The following CPAP variants were observed in gnomAD, a reference collection of about 807,000 sequenced individuals.
CPAP encodes the protein centrosome assembly and centriole elongation protein, also known as centrosomal P4.1-associated protein.
At chr13:24,926,498 G>A in the CPAP span, among the ~76,000 whole-genome samples, 5 of 152,072 alleles carry the variant, frequency 3.3e-5, no homozygotes, top group African/African-American at 7.2e-5. Context: ...CATCTTTAAC[G>A]TTATGGGCCT....
the CPAP span, among the ~76,000 whole-genome samples, chr13:24,919,883 C>T: frequency 6.6e-6 from 1 of 152,210 alleles, no homozygotes; most frequent in Non-Finnish European, 1.5e-5. Context: ...CCCATCTCAG[C>T]CTCCAGAGTA....
chr13:24,924,308 T>TC, the CPAP span, among the ~76,000 whole-genome samples: 68,881 of 151,698 alleles, frequency 0.45, 15,933 homozygotes, highest in South Asian at 0.59. Context: ...AAAATGTGTA[T>TC]CTTTAAGGAT....
chr13:24,885,186 A>G, the CPAP span: 1 of 871,484 alleles, frequency 1.1e-6, no homozygotes. Context: ...TCTTGTCCAA[A>G]GAGCCCTTAT....
chr13:24,883,974 G>C, the CPAP span: 1 of 1,614,080 alleles, frequency 6.2e-7, no homozygotes, highest in Non-Finnish European at 8.5e-7. Context: ...GTTGTACTCT[G>C]ACAATTGTAC....
chr13:24,890,261 T>C, the CPAP span, among the ~76,000 whole-genome samples: 1 of 152,068 alleles, frequency 6.6e-6, no homozygotes, highest in Non-Finnish European at 1.5e-5. Flanking sequence ...GATATCCAGG[T>C]GTTAATTGTA....
chr13:24,903,975 A>T, the CPAP span: 1 of 1,613,922 alleles, frequency 6.2e-7, no homozygotes, highest in Non-Finnish European at 8.5e-7. Flanking sequence ...TTAGCTAAAG[A>T]TGCGTTCTCA....
the CPAP span, chr13:24,908,199 G>A: frequency 1.9e-6 from 2 of 1,035,854 alleles, no homozygotes; most frequent in Non-Finnish European, 3.0e-6. Flanking sequence ...AATTCTACAA[G>A]TTACTATGCT....
the CPAP span, chr13:24,907,040 T>C: frequency 3.1e-6 from 5 of 1,598,902 alleles, no homozygotes; most frequent in Non-Finnish European, 4.3e-6. Context: ...AAATTATAGA[T>C]AAATCTCTAA....
the CPAP span, among the ~76,000 whole-genome samples, chr13:24,895,251 C>T: frequency 1.7e-4 from 26 of 152,372 alleles, no homozygotes; most frequent in African/African-American, 6.3e-4. Flanking sequence ...CCTTGCAGCG[C>T]AGTAGATGCC....
At chr13:24,907,231 TA>T in the CPAP span, 1 of 1,495,772 alleles carries the variant, frequency 6.7e-7, no homozygotes, top group East Asian at 2.3e-5. Context: ...ATGCAAATCA[TA>T]ATGTGTGAAT....
the CPAP span, among the ~76,000 whole-genome samples, chr13:24,918,112 G>T: frequency 2.6e-5 from 4 of 152,128 alleles, no homozygotes; most frequent in African/African-American, 9.7e-5. Flanking sequence ...GTTTGAAAAA[G>T]ATGTATGAAC....
At chr13:24,903,340 T>C in the CPAP span, among the ~76,000 whole-genome samples, 4 of 152,140 alleles carry the variant, frequency 2.6e-5, no homozygotes, top group Non-Finnish European at 5.9e-5. Context: ...CTTAAACCAA[T>C]ATGACCCTAT....
the CPAP span, chr13:24,889,159 A>G: frequency 1.1e-5 from 7 of 658,150 alleles, no homozygotes; most frequent in Admixed American, 1.2e-4. Flanking sequence ...TAACTGGCGG[A>G]ATAAGATGAT....
chr13:24,925,964 T>C, the CPAP span: 1 of 152,644 alleles, frequency 6.6e-6, no homozygotes, highest in African/African-American at 2.4e-5. Flanking sequence ...ATTATGTCTA[T>C]ACTGAATAAA....
At chr13:24,917,531 A>T in the CPAP span, among the ~76,000 whole-genome samples, 12 of 152,302 alleles carry the variant, frequency 7.9e-5, no homozygotes, top group East Asian at 2.1e-3. Context: ...CACCCCCCAG[A>T]TTGCAAAGAA....
chr13:24,920,970 C>G, the CPAP span, among the ~76,000 whole-genome samples: 1 of 152,094 alleles, frequency 6.6e-6, no homozygotes, highest in South Asian at 2.1e-4. Context: ...CAAAATAAAC[C>G]CATAGTTATA....
chr13:24,895,112 G>T, the CPAP span, among the ~76,000 whole-genome samples: 4 of 152,260 alleles, frequency 2.6e-5, no homozygotes, highest in African/African-American at 9.6e-5. Context: ...CCAGCGCCGT[G>T]AAAACGGGAA....
chr13:24,929,354 G>A, the CPAP span, among the ~76,000 whole-genome samples: 259 of 152,298 alleles, frequency 1.7e-3, no homozygotes, highest in East Asian at 5.4e-3. Flanking sequence ...GAGTTACTGC[G>A]CCTGTCATCT....
chr13:24,927,402 C>T, the CPAP span, among the ~76,000 whole-genome samples: 11 of 152,256 alleles, frequency 7.2e-5, no homozygotes, highest in African/African-American at 2.6e-4. Flanking sequence ...TGGAATTCAC[C>T]CATTTTTTGT....
Sources: allele counts gnomAD v4.1 joint callset (sites outside exome capture counted in the v4.1 genomes callset), GRCh38; gene constraint gnomAD v4.1.1; transcripts MANE v1.5; gene names NCBI Gene and HGNC (gene_info 2026-07-23, HGNC 2026-07-21).